Variants in STUM observed in about 807,000 individuals in gnomAD.
STUM encodes stum, mechanosensory transduction mediator homolog.
A neutral mutation model predicts 15.3 loss-of-function variants in STUM; 8 were observed. That is an observed-to-expected ratio of 0.52 (90% CI 0.31 to 0.94). The LOEUF (loss-of-function observed/expected upper bound fraction) is 0.94. STUM is among the 40% of genes least tolerant of loss of function. STUM has a pLI of 0.05. For missense variants in STUM, 142 were observed against 204.9 expected, an observed-to-expected ratio of 0.69 and a Z score of 1.87; for synonymous variants, 78 against 88.7, an observed-to-expected ratio of 0.88 and a Z score of 0.68.
chr1:226,598,589 G>A (rs1032575631), intron 2 of STUM, among the ~76,000 whole-genome samples: 1 of 152,228 alleles, frequency 6.6e-6, no homozygotes, highest in African/African-American at 2.4e-5. Flanking sequence ...ATGCCTAGAT[G>A]AGGCATTGAG....
In STUM at chr1:226,594,902, C is replaced by T. The variant is rs113258538; in HGVS notation, c.203-1900C>T. The stretch of plus-strand genomic sequence containing the variant: ...AATTCCTAACCTCAGGCGATCTGCC[C>T]GCCTCGGCCTCCCAAAGTGCTGGGA... On this transcript the variant is annotated intron_variant, in intron 1 of 3. Coordinates refer to ENST00000366788, the MANE Select transcript of STUM (RefSeq NM_001003665.4). 3.7e-3 allele frequency among the ~76,000 whole-genome samples: 568 copies of T among 152,292 alleles called. 4 individuals carry two copies. The highest frequency in any genetic ancestry group is 0.013 in the African/African-American group (527 of 41,554).
Position 226,602,409 on chromosome 1 carries a change from G to A in STUM, c.*369G>A, listed in dbSNP as rs1668283758. On this transcript the variant is annotated 3_prime_UTR_variant, in exon 4 of 4. Transcript: ENST00000366788. ...GCTGGGCCGGGCCACACCGGGCCCT[G>A]TCTGGGTGAGCAGGGGCTCACCAAG... 1 of 263,234 alleles carries A rather than the reference G, an allele frequency of 3.8e-6. No homozygotes were observed. 16.3% of individuals were successfully genotyped at this position (263,234 alleles called of 1,614,324 possible).
At chr1:226,575,161 T>C (rs1253074988) in intron 1 of STUM, among the ~76,000 whole-genome samples, 1 of 152,120 alleles carries the variant, frequency 6.6e-6, no homozygotes, top group Admixed American at 6.5e-5. Context: ...GCTCAGGCAG[T>C]CGGGTACCAG....
At chr1:226,582,705 A>G (rs1463330014) in intron 1 of STUM, among the ~76,000 whole-genome samples, 1 of 152,040 alleles carries the variant, frequency 6.6e-6, no homozygotes, top group Non-Finnish European at 1.5e-5. Context: ...TTGGCTCTCA[A>G]AGTCCTGAAA....
In STUM at chr1:226,569,032, C is replaced by A. The variant is rs142366396; in HGVS notation, c.202+19926C>A. ...CATGTGCCCACACGTGCATGCTTCCCCAAGTTTTGGTGTCTCTTTTCTGGG... is the reference window on the plus strand; with the variant it reads ...CATGTGCCCACACGTGCATGCTTCCACAAGTTTTGGTGTCTCTTTTCTGGG... On this transcript the variant is annotated intron_variant, in intron 1 of 3. Coordinates refer to ENST00000366788, the MANE Select transcript of STUM (RefSeq NM_001003665.4). Among the ~76,000 whole-genome samples the A allele has an allele frequency of 3.2e-3, 359 of 113,122 alleles. 1 individual carries two copies. Among genetic ancestry groups the A allele is most frequent in the African/African-American group, 0.013 (340 of 25,664 alleles). The allele number at this position is 113,122 out of a possible 152,430, so 74.2% of individuals were successfully genotyped here.
At chr1:226,559,876 G>A (rs1281593129) in intron 1 of STUM, among the ~76,000 whole-genome samples, 2 of 152,152 alleles carry the variant, frequency 1.3e-5, no homozygotes, top group South Asian at 4.1e-4. Context: ...GGGAGGCTGA[G>A]GCAGGAGAAT....
At chr1:226,553,571 A>T (rs1667402347) in intron 1 of STUM, among the ~76,000 whole-genome samples, 1 of 152,254 alleles carries the variant, frequency 6.6e-6, no homozygotes, top group Admixed American at 6.5e-5. Flanking sequence ...TCAACAAGAA[A>T]AAAGAAACAT....
intron 1 of STUM, among the ~76,000 whole-genome samples, chr1:226,594,502 T>C (rs1447235501): frequency 1.3e-5 from 2 of 152,198 alleles, no homozygotes; most frequent in African/African-American, 4.8e-5. Flanking sequence ...CATCTACACC[T>C]GGGAGGCAGT....
At chr1:226,585,698 C>T (rs770014370) in intron 1 of STUM, among the ~76,000 whole-genome samples, 1 of 152,186 alleles carries the variant, frequency 6.6e-6, no homozygotes, top group South Asian at 2.1e-4. Context: ...GCCTCTCTCA[C>T]CGCCCCGTGG....
Position 226,548,932 on chromosome 1 carries a change from A to AGGG in STUM, c.28_29insGGG (p.Thr10delinsArgAla). The AGGG allele has an allele frequency of 6.9e-7, 1 of 1,443,460 alleles. No individual in the cohort carries two copies. 89.4% of individuals were successfully genotyped at this position (1,443,460 alleles called of 1,614,324 possible). On this transcript the variant is annotated protein_altering_variant, in exon 1 of 4. Coordinates refer to ENST00000366788, the MANE Select transcript of STUM (RefSeq NM_001003665.4). ...GGAGCCCTCGCACAAAGACGCCGAG[A>AGGG]CGGCGGCGGCGGCGGCGGCGGTGGC...
intron 1 of STUM, among the ~76,000 whole-genome samples, chr1:226,568,709 G>A (rs906518281): frequency 2.0e-5 from 3 of 152,242 alleles, no homozygotes; most frequent in Non-Finnish European, 4.4e-5. Flanking sequence ...GAGCAGGCAT[G>A]TCCCTTGTCC....
rs950741911 is a variant in STUM, at chr1:226,607,430, C to T, written c.*5390C>T. On this transcript the variant is annotated 3_prime_UTR_variant, in exon 4 of 4. Transcript: ENST00000366788. ...TGCCGGCGTCTCTCCGACTGCCTCT[C>T]GCCTCAGTTTAACCATCTATAGGTT... 1 of 152,228 alleles carries T rather than the reference C, an allele frequency of 6.6e-6. No homozygotes were observed. The highest frequency in any genetic ancestry group is 1.5e-5 in the Non-Finnish European group (1 of 68,068). 9.4% of individuals were successfully genotyped at this position (152,228 alleles called of 1,614,324 possible).
chr1:226,571,233 AAAAAC>A (rs371772503), intron 1 of STUM, among the ~76,000 whole-genome samples: 28 of 152,026 alleles, frequency 1.8e-4, no homozygotes, highest in East Asian at 5.8e-4. Flanking sequence ...GGACTGTCTC[AAAAAC>A]AAAACAAAAC....
chr1:226,592,049 TTTG>T (rs373108056), intron 1 of STUM, among the ~76,000 whole-genome samples: 236 of 152,266 alleles, frequency 1.5e-3, no homozygotes, highest in African/African-American at 5.3e-3. Flanking sequence ...TATTAATTTT[TTTG>T]TTGTTGTTGT....
intron 1 of STUM, among the ~76,000 whole-genome samples, chr1:226,594,102 C>T (rs149969825): frequency 8.4e-4 from 128 of 152,214 alleles, no homozygotes; most frequent in African/African-American, 2.9e-3. Flanking sequence ...AGGAGGAAAA[C>T]GAGGCAGGGT....
At position 226,607,226 on chromosome 1, in the gene STUM, A is replaced by AT. The variant is rs898724376; in HGVS notation, c.*5188dup. 1 of 152,344 alleles carries AT rather than the reference A, an allele frequency of 6.6e-6. No individual in the cohort carries two copies. The highest frequency in any genetic ancestry group is 2.4e-5 in the African/African-American group (1 of 41,448). The allele number at this position is 152,344 out of a possible 1,614,324, so 9.4% of individuals were successfully genotyped here. On this transcript the variant is annotated 3_prime_UTR_variant, in exon 4 of 4. Coordinates refer to ENST00000366788, the MANE Select transcript of STUM (RefSeq NM_001003665.4). ...CATCAATCAGTTTTCTTCCTGCAAG[A>AT]TTCTTAGAGCTGGATGTTCACGGGA... is the stretch of plus-strand genomic sequence containing the variant.
At chr1:226,563,205 A>AT (rs1382881738) in intron 1 of STUM, among the ~76,000 whole-genome samples, 1 of 152,268 alleles carries the variant, frequency 6.6e-6, no homozygotes, top group African/African-American at 2.4e-5. Flanking sequence ...CGGTTCAGAC[A>AT]TAGTGATTGC....
intron 1 of STUM, among the ~76,000 whole-genome samples, chr1:226,570,558 C>T (rs1008154542): frequency 2.0e-5 from 3 of 152,230 alleles, no homozygotes; most frequent in Admixed American, 6.5e-5. Flanking sequence ...GTTTCCACCC[C>T]ACAGGGGCCA....
chr1:226,573,598 A>G (rs1295742807), intron 1 of STUM, among the ~76,000 whole-genome samples: 1 of 152,184 alleles, frequency 6.6e-6, no homozygotes, highest in African/African-American at 2.4e-5. Flanking sequence ...CCACAGTGAC[A>G]ATGTCTTTTA....
Sources: gnomAD v4.1 joint callset for allele counts (sites outside exome capture counted in the v4.1 genomes callset) on GRCh38, gnomAD v4.1.1 for gene constraint, MANE v1.5 for transcripts, NCBI Gene and HGNC (gene_info 2026-07-23, HGNC 2026-07-21) for gene names.